ARHGAP26: variants seen among roughly 807,000 people sequenced by gnomAD.
ARHGAP26 encodes the protein Rho GTPase activating protein 26.
A neutral mutation model predicts 104.8 loss-of-function variants in ARHGAP26; 38 were observed. The observed-to-expected ratio is 0.36, with a 90% confidence interval of 0.28 to 0.48. ARHGAP26 has a LOEUF of 0.48. Ranked by LOEUF, ARHGAP26 falls within the 20% of genes least tolerant of loss-of-function variation. The pLI is 0.99. For synonymous variants in ARHGAP26, 341 were observed against 340.0 expected (o/e 1.00, Z -0.03); for missense variants, 704 against 947.9 (o/e 0.74, Z 3.38).
chr5:143,154,264 C>G (rs1800205515), intron 20 of ARHGAP26, among the ~76,000 whole-genome samples: 1 of 151,592 alleles, frequency 6.6e-6, no homozygotes, highest in Non-Finnish European at 1.5e-5. Context: ...ATTGAGAAGT[C>G]CCAGGGAGAA....
rs145872099 is a variant in ARHGAP26, at chr5:142,864,965, C to G, written c.155-8435C>G. 4.2e-4 allele frequency among the ~76,000 whole-genome samples: 64 copies of G among 152,324 alleles called. No homozygotes were observed. In the East Asian group the frequency reaches 7.7e-3, roughly 18 times the overall value. ...GTGTGTGATATTTGTACTTGAGCTG[C>G]CTGGAATTACCCTCTCTTTTTTGTT... On this transcript the variant is annotated intron_variant, in intron 1 of 22. Transcript: ENST00000645722.
chr5:142,817,574 C>T (rs1413394231), intron 1 of ARHGAP26, among the ~76,000 whole-genome samples: 5 of 152,106 alleles, frequency 3.3e-5, no homozygotes, highest in East Asian at 1.9e-4. Flanking sequence ...GGTCGGGCCT[C>T]GATTTCAGCC....
At chr5:142,804,751 C>T (rs532576652) in intron 1 of ARHGAP26, among the ~76,000 whole-genome samples, 156 of 152,230 alleles carry the variant, frequency 1.0e-3, no homozygotes, top group African/African-American at 3.6e-3. Context: ...CTTGGCTTCC[C>T]GAAGTTCTGG....
rs1218238942 is a variant in ARHGAP26 at position 143,226,437 on chromosome 5, C to A, written c.*3991C>A. 1 of 173,910 alleles carries A rather than the reference C, an allele frequency of 5.8e-6. No individual in the cohort carries two copies. The highest frequency in any genetic ancestry group is 2.5e-5 in the African/African-American group (1 of 40,656). The allele number at this position is 173,910 out of a possible 1,614,324, so 10.8% of individuals were successfully genotyped here. ...CAGAGATTGCAGTGAGCCAAGATCACGCCCCTGCACTCCAGCCTGGGTGAC... is the reference window on the plus strand; with the variant it reads ...CAGAGATTGCAGTGAGCCAAGATCAAGCCCCTGCACTCCAGCCTGGGTGAC... On this transcript the variant is annotated 3_prime_UTR_variant, in exon 23 of 23. Coordinates refer to ENST00000645722, the MANE Select transcript of ARHGAP26 (RefSeq NM_001135608.3).
At chr5:142,933,590 C>T (rs997876116) in intron 11 of ARHGAP26, among the ~76,000 whole-genome samples, 2 of 152,118 alleles carry the variant, frequency 1.3e-5, no homozygotes, top group Non-Finnish European at 2.9e-5. Flanking sequence ...CCATGGCTTC[C>T]CACATTGCTC....
chr5:143,072,532 A>G (rs989291508), intron 17 of ARHGAP26, among the ~76,000 whole-genome samples: 1 of 152,228 alleles, frequency 6.6e-6, no homozygotes, highest in African/African-American at 2.4e-5. Context: ...AATGGATAAT[A>G]TGTGGCATGT....
At chr5:143,054,665 A>G (rs749383502) in intron 15 of ARHGAP26, 139 bp downstream of exon 15, 5 of 595,592 alleles carry the variant, frequency 8.4e-6, no homozygotes, top group South Asian at 2.2e-5. Flanking sequence ...GGGTGCGTTT[A>G]GCTCAGCTGG....
chr5:143,016,490 G>A (rs1297034524), intron 12 of ARHGAP26, among the ~76,000 whole-genome samples: 1 of 152,044 alleles, frequency 6.6e-6, no homozygotes, highest in African/African-American at 2.4e-5. Context: ...GGATCACAAG[G>A]TCAGGAGTTA....
chr5:142,960,800 A>AT (rs1416050680), intron 11 of ARHGAP26, among the ~76,000 whole-genome samples: 3 of 152,128 alleles, frequency 2.0e-5, no homozygotes, highest in Non-Finnish European at 4.4e-5. Context: ...CCCACTGGCC[A>AT]TTTTTCTATG....
rs28626979 is a variant in ARHGAP26 at position 143,123,982 on chromosome 5, C to A, written c.1698+2835C>A. ...TAATAGAAACACACACACACACACA[C>A]AAACACACAATGTCTAGGGGTGACT... is the stretch of plus-strand genomic sequence containing the variant. On this transcript the variant is annotated intron_variant, in intron 18 of 22. Coordinates refer to ENST00000645722, the MANE Select transcript of ARHGAP26 (RefSeq NM_001135608.3). Among the ~76,000 whole-genome samples the A allele has an allele frequency of 1.2e-3, 180 of 151,562 alleles. 1 individual carries two copies. Among genetic ancestry groups the A allele is most frequent in the African/African-American group, 4.2e-3 (171 of 41,016 alleles).
chr5:142,787,311 A>G lies in ARHGAP26; in HGVS notation c.154+16396A>G, dbSNP rs1380600084. Reference sequence around the variant, plus strand: ...TAGGTCAATAATTTATATTTCAAGAAGGGAAATTTGGGGACATGGAATGAG... The same window carrying G: ...TAGGTCAATAATTTATATTTCAAGAGGGGAAATTTGGGGACATGGAATGAG... On this transcript the variant is annotated intron_variant, in intron 1 of 22. Coordinates refer to ENST00000645722, the MANE Select transcript of ARHGAP26 (RefSeq NM_001135608.3). Among the ~76,000 whole-genome samples the G allele has an allele frequency of 2.0e-5, 3 of 151,928 alleles. No individual in the cohort carries two copies. In the East Asian group the frequency reaches 5.8e-4, roughly 29 times the overall value.
At chr5:142,927,397 A>G (rs1764067812) in intron 10 of ARHGAP26, among the ~76,000 whole-genome samples, 1 of 151,750 alleles carries the variant, frequency 6.6e-6, no homozygotes, top group African/African-American at 2.4e-5. Context: ...GTATTTGAAC[A>G]TCATAGAAGT....
At chr5:142,857,775 T>C (rs796259734) in intron 1 of ARHGAP26, among the ~76,000 whole-genome samples, 9 of 152,322 alleles carry the variant, frequency 5.9e-5, no homozygotes, top group African/African-American at 2.2e-4. Flanking sequence ...CTTTCTTGTT[T>C]CTCTGCTTGC....
intron 1 of ARHGAP26, among the ~76,000 whole-genome samples, chr5:142,862,856 A>C (rs891149270): frequency 6.6e-6 from 1 of 152,232 alleles, no homozygotes; most frequent in Non-Finnish European, 1.5e-5. Flanking sequence ...TTGAGCCAGC[A>C]CATCATTGTG....
chr5:143,182,400 C>T lies in ARHGAP26; in HGVS notation c.1989-24798C>T, dbSNP rs551841892. ...AAATGTTCTTGCCCGGTATTTCACT[C>T]GTTTGTCTCTCCTCATGACACTAAG... On this transcript the variant is annotated intron_variant, in intron 20 of 22. Transcript: ENST00000645722. 5.9e-5 allele frequency among the ~76,000 whole-genome samples: 9 copies of T among 152,298 alleles called. No individual in the cohort carries two copies. The South Asian group carries it at 1.0e-3, about 18-fold the overall frequency.
At position 142,871,861 on chromosome 5, in the gene ARHGAP26, G is replaced by T. The variant is rs1755354288; in HGVS notation, c.155-1539G>T. Among the ~76,000 whole-genome samples the T allele has an allele frequency of 6.6e-6, 1 of 152,224 alleles. No individual in the cohort carries two copies. Among genetic ancestry groups the T allele is most frequent in the African/African-American group, 2.4e-5 (1 of 41,458 alleles). On this transcript the variant is annotated intron_variant, in intron 1 of 22. Transcript: ENST00000645722. The surrounding 1 kb of genome is among the most constrained non-coding windows in gnomAD (Gnocchi z 4.1). ...GTGACTGAACGAGGGAGAGATCGGA[G>T]ACTGTTGGCTCCTGTGTTCCCCTTC...
At chr5:143,012,576 T>TATA (rs1554195628) in intron 11 of ARHGAP26, among the ~76,000 whole-genome samples, 33 of 56,882 alleles carry the variant, frequency 5.8e-4, no homozygotes, top group Non-Finnish European at 1.2e-3. Flanking sequence ...TATATATATA[T>TATA]TATGATCAGG....
chr5:142,793,744 T>C, intron 1 of ARHGAP26, among the ~76,000 whole-genome samples: 1 of 152,092 alleles, frequency 6.6e-6, no homozygotes, highest in South Asian at 2.1e-4. Context: ...TGCGCCACCA[T>C]GCCTAGCTAA....
chr5:142,793,986 G>T (rs368614100), intron 1 of ARHGAP26, among the ~76,000 whole-genome samples: 3 of 152,140 alleles, frequency 2.0e-5, no homozygotes, highest in African/African-American at 7.2e-5. Flanking sequence ...CAATCCAAGC[G>T]GCTTAAACAG....
Sources: allele counts gnomAD v4.1 joint callset (sites outside exome capture counted in the v4.1 genomes callset), GRCh38; gene constraint gnomAD v4.1.1; non-coding constraint Gnocchi (gnomAD v3.1); transcripts MANE v1.5; gene names NCBI Gene and HGNC (gene_info 2026-07-23, HGNC 2026-07-21).